Variants in IGFL3 observed in about 807,000 individuals in gnomAD.
IGFL3 encodes IGF like family member 3, also known as insulin growth factor-like family member 3.
In IGFL3, 12 loss-of-function variants were observed where a neutral mutation model predicts 17.0. The ratio of observed to expected loss-of-function variants is 0.71; its 90% CI spans 0.45 to 1.14. The LOEUF (loss-of-function observed/expected upper bound fraction) is 1.14. IGFL3 is among the 50% of genes most tolerant of loss of function. IGFL3 has a pLI of 0.00. For missense variants in IGFL3, 153 were observed against 151.6 expected (o/e 1.01, Z -0.05); for synonymous variants, 52 against 57.4 (o/e 0.91, Z 0.42).
In IGFL3 at chr19:46,124,155, G is replaced by A. The variant is rs199610212; in HGVS notation, c.81C>T (p.Asp27=). 155 of 1,610,030 alleles carry A rather than the reference G, an allele frequency of 9.6e-5. 5 individuals are homozygous for A. Among genetic ancestry groups the A allele is most frequent in the Middle Eastern group, 5.0e-4 (3 of 6,048 alleles). The part of the protein sequence containing the change: ...FLLQCSKGTT[D]APVGSGLWLC... Reference sequence around the variant, plus strand: ...GCCACAGTCCTGAGCCAACAGGAGCGTCTGGGGGCAGACATTGATGGTGTA... The same window carrying A: ...GCCACAGTCCTGAGCCAACAGGAGCATCTGGGGGCAGACATTGATGGTGTA... Residue 27 remains aspartate, a splice_region_variant and synonymous_variant, in exon 3 of 4, where the codon GAC becomes GAT. Coordinates refer to ENST00000341415, the MANE Select transcript of IGFL3 (RefSeq NM_207393.2).
rs775757576 is a variant in IGFL3, at chr19:46,124,619, A to G, written c.25+6T>C. ...AGATGATGTTTGGATTTGGGGTCCT[A>G]CTTGCCCAAGATGCAGCATCGTGGC... On this transcript the variant is annotated splice_donor_region_variant and intron_variant, in intron 1 of 3. Transcript: ENST00000341415. 6.8e-6 allele frequency: 11 copies of G among 1,607,496 alleles called. 1 individual carries two copies. The highest frequency in any genetic ancestry group is 1.6e-4 in the Middle Eastern group (1 of 6,064).
chr19:46,124,071 A>G lies in IGFL3; in HGVS notation c.165T>C (p.Cys55=). 1 of 1,611,632 alleles carries G rather than the reference A, an allele frequency of 6.2e-7. No homozygotes were observed. The highest frequency in any genetic ancestry group is 8.5e-7 in the Non-Finnish European group (1 of 1,179,662). The change falls in exon 3 of 4, where the codon TGT becomes TGC. Residue 55 remains cysteine, a synonymous_variant. Transcript: ENST00000341415. The part of the protein sequence containing the change: ...NKIYNPSEQC[C]YDDAILSLKE... Reference sequence around the variant, plus strand: ...TTAAGGATAAGATGGCATCATCATAACAGCACTGCTCTGAAGGGTTGTAGA... The same window carrying G: ...TTAAGGATAAGATGGCATCATCATAGCAGCACTGCTCTGAAGGGTTGTAGA...
intron 3 of IGFL3, among the ~76,000 whole-genome samples, chr19:46,122,915 A>G (rs1466321861): frequency 1.3e-5 from 2 of 150,806 alleles, no homozygotes; most frequent in Non-Finnish European, 2.9e-5. Flanking sequence ...GGGTTTGTTT[A>G]GCTCACTATC....
chr19:46,121,810 A>G (rs992950183), intron 3 of IGFL3, among the ~76,000 whole-genome samples: 1 of 151,142 alleles, frequency 6.6e-6, no homozygotes, highest in Non-Finnish European at 1.5e-5. Context: ...CAAAGAGACA[A>G]AGGCTTGCTG....
At position 46,124,598 on chromosome 19, in the gene IGFL3, G is replaced by A. The variant is rs1463306401; in HGVS notation, c.25+27C>T. The A allele has an allele frequency of 3.8e-6, 6 of 1,592,096 alleles. No homozygotes were observed. In the South Asian group the frequency reaches 5.5e-5, roughly 15 times the overall value. ...AGCTGCACTGGGAATGAGATGAGATGATGTTTGGATTTGGGGTCCTACTTG... is the reference window on the plus strand; with the variant it reads ...AGCTGCACTGGGAATGAGATGAGATAATGTTTGGATTTGGGGTCCTACTTG... On this transcript the variant is annotated intron_variant, in intron 1 of 3. Coordinates refer to ENST00000341415, the MANE Select transcript of IGFL3 (RefSeq NM_207393.2).
intron 3 of IGFL3, among the ~76,000 whole-genome samples, chr19:46,122,020 A>G (rs1009875762): frequency 7.9e-5 from 12 of 151,280 alleles, no homozygotes; most frequent in Non-Finnish European, 1.6e-4. Context: ...GACTTCATCT[A>G]TCTTTTTAAA....
chr19:46,120,670 T>C (rs765022834), intron 3 of IGFL3, among the ~76,000 whole-genome samples: 10 of 150,964 alleles, frequency 6.6e-5, no homozygotes, highest in Non-Finnish European at 1.2e-4. Flanking sequence ...TACAGAGATA[T>C]CAGAAATTCA....
Position 46,123,894 on chromosome 19 carries a change from G to C in IGFL3, c.342C>G (p.Ser114Arg), listed in dbSNP as rs1349914373. 1 of 1,610,226 alleles carries C rather than the reference G, an allele frequency of 6.2e-7. No individual in the cohort carries two copies. Among genetic ancestry groups the C allele is most frequent in the Non-Finnish European group, 8.5e-7 (1 of 1,179,122 alleles). Residue 114 changes from serine (S) to arginine (R), a missense_variant, in exon 3 of 4, where the codon AGC becomes AGG. By Grantham distance (110) the Ser-to-Arg change is moderately radical. Coordinates refer to ENST00000341415, the MANE Select transcript of IGFL3 (RefSeq NM_207393.2). ...SQCHLSPISR[S>R]CTRNRRHVLY... ...AAGGTAGGGACCTTTACCTGGTACA[G>C]CTCCGGGAGATGGGAGATAAGTGAC... is the stretch of plus-strand genomic sequence containing the variant.
rs1042475481 is a variant in IGFL3 at position 46,123,980 on chromosome 19, A to G, written c.256T>C (p.Ser86Pro). Residue 86 changes from serine to proline, a missense_variant, in exon 3 of 4, where the codon TCT (serine) becomes CCT (proline). Ser to Pro is a moderately conservative substitution (Grantham distance 74). Coordinates refer to ENST00000341415, the MANE Select transcript of IGFL3 (RefSeq NM_207393.2). ...AGAAACTTCTGCTGGGGGCCAAAAG[A>G]CTCGGGACAGCAGAGCTCAAAGCAG... ...WPCFELCCPE[S>P]FGPQQKFLVK... 1 of 1,611,266 alleles carries G rather than the reference A, an allele frequency of 6.2e-7. No individual in the cohort carries two copies. Among genetic ancestry groups the G allele is most frequent in the African/African-American group, 1.4e-5 (1 of 73,796 alleles).
chr19:46,120,286 C>T lies in IGFL3; in HGVS notation c.*44G>A. On this transcript the variant is annotated 3_prime_UTR_variant, in exon 4 of 4. Coordinates refer to ENST00000341415, the MANE Select transcript of IGFL3 (RefSeq NM_207393.2). ...AGTCTCCGATGTCCAGCTGCTTCGT[C>T]TCTTCTCCCCTTGTCTGCCGTCTGC... The T allele has an allele frequency of 1.2e-6, 2 of 1,609,726 alleles. No homozygotes were observed. The highest frequency in any genetic ancestry group is 1.7e-6 in the Non-Finnish European group (2 of 1,179,094).
chr19:46,123,340 G>A (rs529777154), intron 3 of IGFL3, among the ~76,000 whole-genome samples: 2 of 150,718 alleles, frequency 1.3e-5, no homozygotes, highest in South Asian at 4.2e-4. Context: ...TACTTAAACT[G>A]ACATTAACTA....
intron 3 of IGFL3, among the ~76,000 whole-genome samples, chr19:46,121,098 A>C (rs1788763167): frequency 6.6e-6 from 1 of 150,440 alleles, no homozygotes; most frequent in Non-Finnish European, 1.5e-5. Context: ...TCCAGGCACC[A>C]CTATAGTGGT....
In IGFL3 at chr19:46,124,420, G is replaced by A. The variant is rs1971976731; in HGVS notation, c.26-99C>T. On this transcript the variant is annotated intron_variant, in intron 1 of 3. Transcript: ENST00000341415. Reference sequence around the variant, plus strand: ...AAACAGAGGTTAGGGTGGTTTAAAGGTGGAGATTATCACTTGGGGCTAAGT... The same window carrying A: ...AAACAGAGGTTAGGGTGGTTTAAAGATGGAGATTATCACTTGGGGCTAAGT... 2.9e-6 allele frequency: 4 copies of A among 1,358,314 alleles called. No individual in the cohort carries two copies. In the South Asian group the frequency reaches 3.6e-5, roughly 12 times the overall value. 84.1% of individuals were successfully genotyped at this position (1,358,314 alleles called of 1,614,324 possible). A position where few individuals can be genotyped will look rare whatever the true frequency, so the allele number is the denominator to read the frequency against.
chr19:46,124,439 G>C, intron 1 of IGFL3, 118 bp from the exon 2 acceptor site: 2 of 1,253,658 alleles, frequency 1.6e-6, no homozygotes, highest in Non-Finnish European at 2.3e-6. Context: ...ATCACTTGGG[G>C]CTAAGTCTGT....
At chr19:46,123,454 C>T (rs1173573611) in intron 3 of IGFL3, among the ~76,000 whole-genome samples, 1 of 150,906 alleles carries the variant, frequency 6.6e-6, no homozygotes, top group Non-Finnish European at 1.5e-5. Flanking sequence ...AATTACAAAG[C>T]CAGTCTTTCC....
rs568179417 is a variant in IGFL3 at position 46,124,119 on chromosome 19, C to T, written c.117G>A (p.Pro39=). ...PVGSGLWLCQ[P]TPRCGNKIYN... ...AGATCTTGTTCCCACACCTGGGTGTCGGCTGGCACAGCCACAGTCCTGAGC... is the reference window on the plus strand; with the variant it reads ...AGATCTTGTTCCCACACCTGGGTGTTGGCTGGCACAGCCACAGTCCTGAGC... Residue 39 remains proline, a synonymous_variant, in exon 3 of 4, where the codon CCG becomes CCA. Transcript: ENST00000341415. 483 of 1,610,858 alleles carry T rather than the reference C, an allele frequency of 3.0e-4. 14 individuals are homozygous for T. The South Asian group carries it at 4.9e-3, about 16-fold the overall frequency.
Position 46,123,871 on chromosome 19 carries a change from G to T in IGFL3, c.350+15C>A, listed in dbSNP as rs761772505. The T allele has an allele frequency of 2.5e-6, 4 of 1,600,054 alleles. No individual in the cohort carries two copies. Among genetic ancestry groups the T allele is most frequent in the Non-Finnish European group, 2.6e-6 (3 of 1,173,704 alleles). On this transcript the variant is annotated intron_variant, in intron 3 of 3. Coordinates refer to ENST00000341415, the MANE Select transcript of IGFL3 (RefSeq NM_207393.2). Reference sequence around the variant, plus strand: ...CCCTCATTCCTTTAGTTAAGAGCAAGGTAGGGACCTTTACCTGGTACAGCT... The same window carrying T: ...CCCTCATTCCTTTAGTTAAGAGCAATGTAGGGACCTTTACCTGGTACAGCT...
At chr19:46,121,898 T>G (rs1363846569) in intron 3 of IGFL3, among the ~76,000 whole-genome samples, 1 of 150,938 alleles carries the variant, frequency 6.6e-6, no homozygotes, top group Non-Finnish European at 1.5e-5. Flanking sequence ...GTGAGCTGAT[T>G]TGCATATTTC....
intron 3 of IGFL3, among the ~76,000 whole-genome samples, chr19:46,122,202 T>G (rs958892835): frequency 6.6e-6 from 1 of 151,046 alleles, no homozygotes; most frequent in African/African-American, 2.5e-5. Flanking sequence ...CATTGTTGAT[T>G]GTGATTCTCT....
Sources: allele counts gnomAD v4.1 joint callset (sites outside exome capture counted in the v4.1 genomes callset), GRCh38; gene constraint gnomAD v4.1.1; transcripts MANE v1.5; gene names NCBI Gene and HGNC (gene_info 2026-07-23, HGNC 2026-07-21).